UBE2E2: variants seen among roughly 807,000 people sequenced by gnomAD.
UBE2E2 encodes ubiquitin conjugating enzyme E2 E2.
In UBE2E2, 6 loss-of-function variants were observed where a neutral mutation model predicts 24.7. The observed-to-expected ratio is 0.24, with a 90% CI of 0.13 to 0.48. The LOEUF is 0.48. Ranked by LOEUF, UBE2E2 falls within the 20% of genes least tolerant of loss-of-function variation. The pLI is 0.99. For missense variants in UBE2E2, 169 were observed against 245.0 expected (o/e 0.69, Z 2.07); for synonymous variants, 104 against 83.6 (o/e 1.24, Z -1.33).
intron 3 of UBE2E2, among the ~76,000 whole-genome samples, chr3:23,254,843 A>G (rs1697670291): frequency 6.6e-6 from 1 of 152,142 alleles, no homozygotes; most frequent in African/African-American, 2.4e-5. Flanking sequence ...GTGTGGCCAG[A>G]TAATTCTTAA....
At chr3:23,336,030 AT>A (rs1184039869) in intron 3 of UBE2E2, among the ~76,000 whole-genome samples, 1 of 152,088 alleles carries the variant, frequency 6.6e-6, no homozygotes, top group African/African-American at 2.4e-5. Flanking sequence ...AGATTATTTC[AT>A]TTTTTTATGA....
intron 5 of UBE2E2, among the ~76,000 whole-genome samples, chr3:23,546,461 T>C (rs1370687369): frequency 8.9e-6 from 1 of 111,992 alleles, no homozygotes; most frequent in Non-Finnish European, 1.8e-5. Flanking sequence ...AACATTTAGA[T>C]TTTTTTTTTT....
Position 23,558,054 on chromosome 3 carries a change from A to G in UBE2E2, c.508+25353A>G, listed in dbSNP as rs140561916. On this transcript the variant is annotated intron_variant, in intron 5 of 5. Coordinates refer to ENST00000396703, the MANE Select transcript of UBE2E2 (RefSeq NM_152653.4). ...TCTAGAGTGATATCCCTTGAAGGTCATATTACAGATCGTTTTATCAAAGGC... is the reference window on the plus strand; with the variant it reads ...TCTAGAGTGATATCCCTTGAAGGTCGTATTACAGATCGTTTTATCAAAGGC... Among the ~76,000 whole-genome samples, 213 of 152,348 alleles carry G rather than the reference A, an allele frequency of 1.4e-3. 5 individuals carry two copies. In the East Asian group the frequency reaches 0.015, roughly 11 times the overall value.
chr3:23,297,863 T>C (rs1698955842), intron 3 of UBE2E2, among the ~76,000 whole-genome samples: 2 of 152,118 alleles, frequency 1.3e-5, no homozygotes, highest in Non-Finnish European at 2.9e-5. Flanking sequence ...ATTGAATCTA[T>C]AAATTACCTT....
intron 5 of UBE2E2, among the ~76,000 whole-genome samples, chr3:23,559,817 G>A (rs186619617): frequency 2.5e-4 from 38 of 152,234 alleles, no homozygotes; most frequent in African/African-American, 8.2e-4. Flanking sequence ...TATAGGAATG[G>A]TTCTCCAGTA....
At chr3:23,262,862 A>G (rs1193904530) in intron 3 of UBE2E2, among the ~76,000 whole-genome samples, 1 of 152,152 alleles carries the variant, frequency 6.6e-6, no homozygotes, top group East Asian at 1.9e-4. Context: ...ATTTTTCCAT[A>G]TGTTTTCTTC....
intron 5 of UBE2E2, among the ~76,000 whole-genome samples, chr3:23,543,719 C>T (rs2125493848): frequency 6.6e-6 from 1 of 152,136 alleles, no homozygotes; most frequent in East Asian, 1.9e-4. Context: ...AGAAGACAGT[C>T]CTAAAATTCA....
At chr3:23,541,223 A>G (rs926498226) in intron 5 of UBE2E2, among the ~76,000 whole-genome samples, 1 of 152,226 alleles carries the variant, frequency 6.6e-6, no homozygotes, top group East Asian at 1.9e-4. Context: ...GTCAGATCCC[A>G]TAACAAATGG....
intron 5 of UBE2E2, among the ~76,000 whole-genome samples, chr3:23,541,292 G>A (rs1187821654): frequency 6.6e-6 from 1 of 152,078 alleles, no homozygotes; most frequent in African/African-American, 2.4e-5. Flanking sequence ...ATCTAGCCTG[G>A]GCAAGGTGCT....
chr3:23,309,517 T>A (rs574005503), intron 3 of UBE2E2, among the ~76,000 whole-genome samples: 1 of 152,142 alleles, frequency 6.6e-6, no homozygotes, highest in Non-Finnish European at 1.5e-5. Context: ...ACCTAAACCT[T>A]TATTATCTCA....
chr3:23,505,271 T>TG (rs1406700241), intron 4 of UBE2E2, among the ~76,000 whole-genome samples: 1 of 152,100 alleles, frequency 6.6e-6, no homozygotes, highest in Non-Finnish European at 1.5e-5. Context: ...TCATGTTAGG[T>TG]AACAGGTCAG....
rs139935542 is a variant in UBE2E2, at chr3:23,514,587, T to TTTA, written c.360+14865_360+14867dup. On this transcript the variant is annotated intron_variant, in intron 4 of 5. Coordinates refer to ENST00000396703, the MANE Select transcript of UBE2E2 (RefSeq NM_152653.4). ...CAGTAAACCCAGTAGAAAGTAATAT[T>TTTA]TTATTATTATTATTATTATTTATTT... Among the ~76,000 whole-genome samples the TTTA allele has an allele frequency of 8.4e-3, 1,276 of 151,856 alleles. 8 individuals are homozygous for TTTA. The highest frequency in any genetic ancestry group is 0.017 in the South Asian group (82 of 4,816).
chr3:23,454,713 T>G (rs1045406778), intron 3 of UBE2E2, among the ~76,000 whole-genome samples: 6 of 152,220 alleles, frequency 3.9e-5, no homozygotes, highest in Non-Finnish European at 8.8e-5. Context: ...ACAGCTCTTT[T>G]AAAGTTTTGT....
At chr3:23,550,084 C>T (rs6800822) in intron 5 of UBE2E2, among the ~76,000 whole-genome samples, 43,933 of 150,802 alleles carry the variant, frequency 0.29, 6,805 homozygotes, top group East Asian at 0.51. Context: ...TTAGATAACT[C>T]CTTTATAGTT....
chr3:23,561,117 G>A (rs1371466512), intron 5 of UBE2E2, among the ~76,000 whole-genome samples: 3 of 152,002 alleles, frequency 2.0e-5, no homozygotes, highest in Admixed American at 6.6e-5. Flanking sequence ...CATTGCTTTT[G>A]GTGTTTTAGA....
Position 23,451,941 on chromosome 3 carries a change from A to G in UBE2E2, c.228-47667A>G, listed in dbSNP as rs556433824. 1.5e-4 allele frequency among the ~76,000 whole-genome samples: 23 copies of G among 152,316 alleles called. No homozygotes were observed. The South Asian group carries it at 4.8e-3, about 32-fold the overall frequency. On this transcript the variant is annotated intron_variant, in intron 3 of 5. Transcript: ENST00000396703. ...TTTATCATTTTTATTGAATTATTAC[A>G]GGGTTGTTTTACCATCAACCTGTTA... is the stretch of plus-strand genomic sequence containing the variant.
At chr3:23,377,952 A>G (rs1575594304) in intron 3 of UBE2E2, among the ~76,000 whole-genome samples, 1 of 152,208 alleles carries the variant, frequency 6.6e-6, no homozygotes, top group Non-Finnish European at 1.5e-5. Flanking sequence ...TAGATATTAT[A>G]TAACTCTATA....
intron 3 of UBE2E2, among the ~76,000 whole-genome samples, chr3:23,219,934 A>G (rs1166584488): frequency 6.6e-6 from 1 of 152,168 alleles, no homozygotes; most frequent in African/African-American, 2.4e-5. Context: ...ACCTTAACAG[A>G]CAACCCAATA....
intron 3 of UBE2E2, among the ~76,000 whole-genome samples, chr3:23,329,562 A>G (rs112099069): frequency 3.9e-5 from 6 of 152,260 alleles, no homozygotes; most frequent in African/African-American, 1.2e-4. Context: ...AAATTTTCTC[A>G]ATATTATTGT....
Sources: allele counts gnomAD v4.1 joint callset (sites outside exome capture counted in the v4.1 genomes callset), GRCh38; gene constraint gnomAD v4.1.1; transcripts MANE v1.5; gene names NCBI Gene and HGNC (gene_info 2026-07-23, HGNC 2026-07-21).